Variants in LUZP2 observed in about 807,000 individuals in gnomAD.
The protein encoded by LUZP2 is leucine zipper protein 2.
LUZP2 carries 52 observed loss-of-function variants against 51.6 expected under a neutral mutation model. That is an observed-to-expected ratio of 1.01 (90% CI 0.81 to 1.27). LUZP2 has a LOEUF of 1.27. Ranked by LOEUF, LUZP2 falls within the 50% of genes most tolerant of loss-of-function variation. The pLI is 0.00. For missense variants in LUZP2, 436 were observed against 395.4 expected (o/e 1.10, Z -0.87); for synonymous variants, 154 against 137.3 (o/e 1.12, Z -0.85).
intron 10 of LUZP2, among the ~76,000 whole-genome samples, chr11:25,072,070 A>C (rs1259350752): frequency 6.6e-6 from 1 of 152,036 alleles, no homozygotes; most frequent in African/African-American, 2.4e-5. Context: ...CAGTTGATTA[A>C]ATTAAAGCCC....
chr11:24,560,465 A>T (rs1272572750), intron 1 of LUZP2, among the ~76,000 whole-genome samples: 2 of 152,180 alleles, frequency 1.3e-5, no homozygotes, highest in African/African-American at 4.8e-5. Flanking sequence ...AGAGGGTGAC[A>T]AGGTGAGCTT....
At chr11:24,943,309 C>G (rs1328284172) in intron 7 of LUZP2, among the ~76,000 whole-genome samples, 2 of 152,134 alleles carry the variant, frequency 1.3e-5, no homozygotes, top group African/African-American at 4.8e-5. Context: ...GAAACAAATG[C>G]TTTATAAATG....
chr11:24,608,288 G>C (rs775076948), intron 1 of LUZP2, among the ~76,000 whole-genome samples: 1 of 152,160 alleles, frequency 6.6e-6, no homozygotes. Flanking sequence ...TTAACACAGA[G>C]TGAGTATAAT....
At chr11:24,735,691 T>C (rs2631429) in intron 3 of LUZP2, among the ~76,000 whole-genome samples, 70,151 of 151,750 alleles carry the variant, frequency 0.46, 18,075 homozygotes, top group African/African-American at 0.68. Context: ...GGAATAATGG[T>C]CCTTTAAAAT....
intron 1 of LUZP2, among the ~76,000 whole-genome samples, chr11:24,620,489 C>A (rs537781379): frequency 1.2e-4 from 19 of 152,232 alleles, no homozygotes; most frequent in African/African-American, 3.8e-4. Context: ...GGAAAATAAC[C>A]TGAAGATAAT....
At chr11:24,987,762 A>G (rs930338667) in intron 9 of LUZP2, among the ~76,000 whole-genome samples, 5 of 151,844 alleles carry the variant, frequency 3.3e-5, no homozygotes, top group Admixed American at 2.0e-4. Flanking sequence ...ATCAAGGTAC[A>G]TTTTTCTTTT....
intron 5 of LUZP2, among the ~76,000 whole-genome samples, chr11:24,772,311 C>T (rs1860450898): frequency 6.6e-6 from 1 of 152,120 alleles, no homozygotes; most frequent in Non-Finnish European, 1.5e-5. Context: ...TACCTTCTTG[C>T]CTCAATAAAC....
At chr11:24,772,898 C>A (rs1163817028) in intron 5 of LUZP2, among the ~76,000 whole-genome samples, 1 of 152,254 alleles carries the variant, frequency 6.6e-6, no homozygotes, top group South Asian at 2.1e-4. Context: ...ATAACGACAT[C>A]ATTTATTAGA....
chr11:24,586,057 C>A (rs549211025), intron 1 of LUZP2, among the ~76,000 whole-genome samples: 1 of 152,180 alleles, frequency 6.6e-6, no homozygotes, highest in South Asian at 2.1e-4. Flanking sequence ...TAGCTCCAAT[C>A]ACTTTTCTTT....
chr11:24,561,816 T>TATA (rs147360262), intron 1 of LUZP2, among the ~76,000 whole-genome samples: 2 of 120,876 alleles, frequency 1.7e-5, no homozygotes, highest in South Asian at 2.6e-4. Flanking sequence ...GAACTTAAAG[T>TATA]ATAATAATAA....
rs545871092 is a variant in LUZP2, at chr11:24,830,466, T to G, written c.396+67158T>G. On this transcript the variant is annotated intron_variant, in intron 5 of 11. Transcript: ENST00000336930. ...AAAAGCCAAGTAGGCCTCATTGGTC[T>G]GTCTCCAAAACGGGGCACCTTGAGT... Among the ~76,000 whole-genome samples the G allele has an allele frequency of 6.6e-5, 10 of 152,332 alleles. No individual in the cohort carries two copies. The South Asian group carries it at 2.1e-3, about 32-fold the overall frequency.
chr11:25,065,209 C>G (rs1463227202), intron 10 of LUZP2, among the ~76,000 whole-genome samples: 2 of 151,976 alleles, frequency 1.3e-5, no homozygotes, highest in African/African-American at 2.4e-5. Context: ...GGGTTGTTCT[C>G]TACCATGTAC....
At chr11:24,685,528 T>A (rs1444429355) in intron 1 of LUZP2, among the ~76,000 whole-genome samples, 1 of 152,134 alleles carries the variant, frequency 6.6e-6, no homozygotes, top group Non-Finnish European at 1.5e-5. Flanking sequence ...CTTCTGGCTA[T>A]GACAAGGTGA....
At chr11:24,955,096 C>G (rs1336934166) in intron 7 of LUZP2, among the ~76,000 whole-genome samples, 1 of 151,976 alleles carries the variant, frequency 6.6e-6, no homozygotes, top group Non-Finnish European at 1.5e-5. Context: ...TAGCAAAACA[C>G]TAGTACTTAC....
Position 25,065,739 on chromosome 11 carries a change from A to G in LUZP2, c.859-11590A>G, listed in dbSNP as rs538386286. On this transcript the variant is annotated intron_variant, in intron 10 of 11. Transcript: ENST00000336930. ...CAGGTAGAGGAATGAGGCAAAGAAT[A>G]TATCAGTGTGACAAAACTTTTTGTG... Among the ~76,000 whole-genome samples, 44 of 151,904 alleles carry G rather than the reference A, an allele frequency of 2.9e-4. No individual in the cohort carries two copies. In the South Asian group the frequency reaches 7.7e-3, roughly 26 times the overall value.
chr11:24,833,828 GATAA>G (rs148480331), intron 5 of LUZP2, among the ~76,000 whole-genome samples: 23,741 of 152,006 alleles, frequency 0.16, 2,034 homozygotes, highest in African/African-American at 0.22. Flanking sequence ...GTTGAATTTA[GATAA>G]GTATAAATTG....
At chr11:25,011,036 C>T (rs1460903948) in intron 9 of LUZP2, among the ~76,000 whole-genome samples, 2 of 152,204 alleles carry the variant, frequency 1.3e-5, no homozygotes, top group Non-Finnish European at 2.9e-5. Context: ...ACTGATGTTT[C>T]TGGGAATCCA....
chr11:24,878,848 A>G (rs955585126), intron 5 of LUZP2, among the ~76,000 whole-genome samples: 3 of 151,788 alleles, frequency 2.0e-5, no homozygotes, highest in Non-Finnish European at 2.9e-5. Context: ...TCAACTCCCA[A>G]TTTTGAATGA....
chr11:24,641,109 C>T (rs1405720786), intron 1 of LUZP2, among the ~76,000 whole-genome samples: 2 of 151,214 alleles, frequency 1.3e-5, no homozygotes, highest in Non-Finnish European at 2.9e-5. Flanking sequence ...AGATGAGGAT[C>T]TTATTGTTTT....
Sources: gnomAD v4.1 joint callset for allele counts (sites outside exome capture counted in the v4.1 genomes callset) on GRCh38, gnomAD v4.1.1 for gene constraint, MANE v1.5 for transcripts, NCBI Gene and HGNC (gene_info 2026-07-23, HGNC 2026-07-21) for gene names.